Variants in SIPA1L2 observed in about 807,000 individuals in gnomAD.
The protein encoded by SIPA1L2 is signal induced proliferation associated 1 like 2.
In SIPA1L2, 56 loss-of-function variants were observed where a neutral mutation model predicts 163.9. The ratio of observed to expected loss-of-function variants is 0.34; its 90% confidence interval spans 0.28 to 0.43. The LOEUF (loss-of-function observed/expected upper bound fraction) is 0.43, where lower values mean the gene tolerates loss of function less well. SIPA1L2 is among the 20% of genes least tolerant of loss of function. SIPA1L2 has a pLI of 1.00. For synonymous variants in SIPA1L2, 877 were observed against 865.7 expected (o/e 1.01, Z -0.23); for missense variants, 1,974 against 2,193.5 (o/e 0.90, Z 2.00).
intron 2 of SIPA1L2, among the ~76,000 whole-genome samples, chr1:232,523,810 A>C (rs1420611499): frequency 6.6e-6 from 1 of 152,160 alleles, no homozygotes; most frequent in Non-Finnish European, 1.5e-5. Flanking sequence ...AAATTGAACT[A>C]AACTGTGCAA....
chr1:232,549,543 C>A (rs559375405), intron 2 of SIPA1L2, among the ~76,000 whole-genome samples: 3 of 152,216 alleles, frequency 2.0e-5, no homozygotes, highest in South Asian at 2.1e-4. Flanking sequence ...TGACTGAAAT[C>A]AGCATGTTAT....
At chr1:232,610,455 G>A (rs957622169) in intron 1 of SIPA1L2, among the ~76,000 whole-genome samples, 3 of 152,120 alleles carry the variant, frequency 2.0e-5, no homozygotes, top group Admixed American at 6.6e-5. Flanking sequence ...ACAAAAACTC[G>A]GTGCTATGGA....
At chr1:232,495,334 C>T (rs558082980) in intron 3 of SIPA1L2, among the ~76,000 whole-genome samples, 171 of 152,088 alleles carry the variant, frequency 1.1e-3, no homozygotes, top group African/African-American at 3.7e-3. Context: ...GAGGCCGAGG[C>T]GGGCGGATCA....
At chr1:232,576,254 C>CTA (rs1294554379) in intron 1 of SIPA1L2, among the ~76,000 whole-genome samples, 1 of 152,220 alleles carries the variant, frequency 6.6e-6, no homozygotes, top group Admixed American at 6.5e-5. Context: ...TGGAGCAAGT[C>CTA]TATCGGCACC....
chr1:232,499,752 T>A (rs1237255323), intron 3 of SIPA1L2, among the ~76,000 whole-genome samples: 1 of 152,228 alleles, frequency 6.6e-6, no homozygotes, highest in Non-Finnish European at 1.5e-5. Flanking sequence ...CCATCCAGAA[T>A]TTTCATAGCT....
At chr1:232,501,524 G>T (rs1666481443) in intron 3 of SIPA1L2, among the ~76,000 whole-genome samples, 1 of 152,116 alleles carries the variant, frequency 6.6e-6, no homozygotes, top group Admixed American at 6.6e-5. Context: ...GAAATATTGA[G>T]CCCAAATAAT....
chr1:232,569,542 G>A (rs1033887728), intron 2 of SIPA1L2, among the ~76,000 whole-genome samples: 1 of 152,226 alleles, frequency 6.6e-6, no homozygotes, highest in Non-Finnish European at 1.5e-5. Context: ...GCCAGGCATG[G>A]TGGCTCACAC....
chr1:232,424,034 T>G (rs1032602939), intron 18 of SIPA1L2, among the ~76,000 whole-genome samples: 1 of 152,150 alleles, frequency 6.6e-6, no homozygotes, highest in Non-Finnish European at 1.5e-5. Flanking sequence ...GTGTAACTAC[T>G]CTGAATGATA....
intron 19 of SIPA1L2, among the ~76,000 whole-genome samples, chr1:232,414,257 C>T (rs572030838): frequency 6.6e-6 from 1 of 152,312 alleles, no homozygotes; most frequent in East Asian, 1.9e-4. Flanking sequence ...CCTACTTCCC[C>T]TGTGTCCACT....
intron 16 of SIPA1L2, among the ~76,000 whole-genome samples, chr1:232,429,866 A>T (rs1662124505): frequency 6.6e-6 from 1 of 152,204 alleles, no homozygotes; most frequent in African/African-American, 2.4e-5. Flanking sequence ...TTTGGGAAAG[A>T]TGCGGGGAAA....
chr1:232,407,774 T>C lies in SIPA1L2; in HGVS notation c.4763-3596A>G, dbSNP rs1660726039. 3.3e-5 allele frequency among the ~76,000 whole-genome samples: 5 copies of C among 152,164 alleles called. No individual in the cohort carries two copies. The South Asian group carries it at 1.0e-3, about 32-fold the overall frequency. Reference sequence around the variant, plus strand: ...GGATCACTAGTTGGTGATTTTACCTTTGAAGCCTATGTTCACTGAAAACAA... The same window carrying C: ...GGATCACTAGTTGGTGATTTTACCTCTGAAGCCTATGTTCACTGAAAACAA... On this transcript the variant is annotated intron_variant, in intron 19 of 22. Coordinates refer to ENST00000674635, the MANE Select transcript of SIPA1L2 (RefSeq NM_020808.5).
chr1:232,607,649 G>A (rs1019918553), intron 1 of SIPA1L2, among the ~76,000 whole-genome samples: 6 of 151,762 alleles, frequency 4.0e-5, no homozygotes, highest in South Asian at 2.1e-4. Flanking sequence ...TAATCTTTCC[G>A]CCAGTGCCAT....
chr1:232,530,442 CCT>C (rs1369992729), intron 2 of SIPA1L2, among the ~76,000 whole-genome samples: 3 of 152,108 alleles, frequency 2.0e-5, no homozygotes, highest in Non-Finnish European at 4.4e-5. Flanking sequence ...ATTTACAACC[CCT>C]GTCACATTTT....
chr1:232,510,093 T>C (rs1666911627), intron 3 of SIPA1L2, among the ~76,000 whole-genome samples: 1 of 152,172 alleles, frequency 6.6e-6, no homozygotes, highest in Non-Finnish European at 1.5e-5. Context: ...ACCACATACA[T>C]GACGGTGGTC....
At chr1:232,496,494 G>C (rs940666418) in intron 3 of SIPA1L2, among the ~76,000 whole-genome samples, 1 of 150,008 alleles carries the variant, frequency 6.7e-6, no homozygotes, top group Non-Finnish European at 1.5e-5. Flanking sequence ...AACATAAAAA[G>C]CTCCAGTGAC....
rs778190941 is a variant in SIPA1L2, at chr1:232,514,831, T to A, written c.509A>T (p.Asp170Val). 6.2e-7 allele frequency: 1 copy of A among 1,614,194 alleles called. No homozygotes were observed. ...SNSDVTISDI[D>V]AEDVLDQNAV... Reference sequence around the variant, plus strand: ...ATTTTGGTCTAAGACATCTTCGGCATCAATGTCACTGATAGTGACATCACT... The same window carrying A: ...ATTTTGGTCTAAGACATCTTCGGCAACAATGTCACTGATAGTGACATCACT... The change falls in exon 3 of 23, where the codon GAT becomes GTT. Residue 170 changes from aspartate (D) to valine (V), a missense_variant. Transcript: ENST00000674635.
intron 19 of SIPA1L2, among the ~76,000 whole-genome samples, chr1:232,406,486 A>C (rs1032493259): frequency 1.2e-4 from 18 of 152,268 alleles, no homozygotes; most frequent in African/African-American, 4.3e-4. Flanking sequence ...ATGAATAGTC[A>C]ACAGGCTATT....
intron 14 of SIPA1L2, among the ~76,000 whole-genome samples, chr1:232,440,334 G>A (rs1226245601): frequency 6.6e-6 from 1 of 152,218 alleles, no homozygotes; most frequent in Non-Finnish European, 1.5e-5. Context: ...CCAGGCCCCA[G>A]TAGATTTTAA....
intron 3 of SIPA1L2, among the ~76,000 whole-genome samples, chr1:232,497,732 G>C (rs1359841752): frequency 6.6e-6 from 1 of 152,166 alleles, no homozygotes; most frequent in Non-Finnish European, 1.5e-5. Context: ...CTGGGTGTCT[G>C]GCATGGCTCC....
Sources: gnomAD v4.1 joint callset for allele counts (sites outside exome capture counted in the v4.1 genomes callset) on GRCh38, gnomAD v4.1.1 for gene constraint, MANE v1.5 for transcripts, NCBI Gene and HGNC (gene_info 2026-07-23, HGNC 2026-07-21) for gene names.